The following OR6B1 variants were observed in gnomAD, a reference collection of about 807,000 sequenced individuals.
The protein encoded by OR6B1 is olfactory receptor family 6 subfamily B member 1, also known as olfactory receptor 6B1.
Under a neutral mutation model 15.4 loss-of-function variants are expected in OR6B1, and 15 were observed. The observed-to-expected ratio is 0.97, with a 90% CI of 0.65 to 1.50. The LOEUF is 1.50. Ranked by LOEUF, OR6B1 falls within the 40% of genes most tolerant of loss-of-function variation. OR6B1 has a pLI of 0.00. For missense variants in OR6B1, 384 were observed against 385.0 expected (o/e 1.00, Z 0.02); for synonymous variants, 139 against 144.9 (o/e 0.96, Z 0.29).
At chr7:144,002,735 C>T (rs1206121241) in intron 1 of OR6B1, among the ~76,000 whole-genome samples, 8 of 152,096 alleles carry the variant, frequency 5.3e-5, no homozygotes, top group Non-Finnish European at 1.2e-4. Context: ...TTGTTTCCGA[C>T]TGCTTTTAGA....
chr7:144,002,343 G>C (rs890202918), intron 1 of OR6B1, among the ~76,000 whole-genome samples: 2 of 152,168 alleles, frequency 1.3e-5, no homozygotes, highest in Non-Finnish European at 2.9e-5. Flanking sequence ...ATTATTAGAA[G>C]ATTTTCTGAA....
In OR6B1 at chr7:144,007,281, C is replaced by T. The variant is rs2050630938; in HGVS notation, c.*2349C>T. The T allele has an allele frequency of 6.6e-6, 1 of 152,062 alleles. No individual in the cohort carries two copies. The highest frequency in any genetic ancestry group is 2.1e-4 in the South Asian group (1 of 4,820). 9.4% of individuals were successfully genotyped at this position (152,062 alleles called of 1,614,324 possible). On this transcript the variant is annotated 3_prime_UTR_variant, in exon 2 of 2. Coordinates refer to ENST00000641698, the MANE Select transcript of OR6B1 (RefSeq NM_001005281.3). ...CACAGACCAATGTAGAAATCTGCCT[C>T]AACAGAGAAAATAATGTATAGTGGA...
chr7:144,001,534 T>A (rs569196094), intron 1 of OR6B1, among the ~76,000 whole-genome samples: 1 of 152,344 alleles, frequency 6.6e-6, no homozygotes, highest in South Asian at 2.1e-4. Context: ...GGCAACCTTG[T>A]CCCATCCTAA....
In OR6B1 at chr7:144,004,898, A is replaced by T; in HGVS notation, c.902A>T (p.Lys301Ile). Residue 301 changes from lysine to isoleucine, a missense_variant, in exon 2 of 2, where the codon AAA becomes ATA. By Grantham distance (102) the Lys-to-Ile change is moderately radical. Coordinates refer to ENST00000641698, the MANE Select transcript of OR6B1 (RefSeq NM_001005281.3). The stretch of plus-strand genomic sequence containing the variant: ...CGAGAGGTCAAGGAAGCTCTGAAGA[A>T]ACTGGCATATTGCCAGGCCAGCAGA... ...RNREVKEALK[K>I]LAYCQASRSD 1.2e-6 allele frequency: 2 copies of T among 1,607,994 alleles called. No individual in the cohort carries two copies. The highest frequency in any genetic ancestry group is 1.7e-6 in the Non-Finnish European group (2 of 1,179,434).
chr7:144,004,372 A>G lies in OR6B1; in HGVS notation c.376A>G (p.Ile126Val). 6.2e-7 allele frequency: 1 copy of G among 1,614,220 alleles called. No homozygotes were observed. Residue 126 changes from isoleucine to valine, a missense_variant, in exon 2 of 2, where the codon ATC (isoleucine) becomes GTC (valine). Transcript: ENST00000641698. Reference protein sequence around the residue: ...AAMAYDRYVAICRPLHYPTIM... With the variant: ...AAMAYDRYVAVCRPLHYPTIM... ...CATGGCCTATGACCGGTATGTGGCC[A>G]TCTGTCGCCCACTCCACTACCCAAC... is the stretch of plus-strand genomic sequence containing the variant.
chr7:144,004,423 C>T lies in OR6B1; in HGVS notation c.427C>T (p.Arg143Cys), dbSNP rs7787378. The stretch of plus-strand genomic sequence containing the variant: ...CATAATGAGCCATGGGCTCTGCTTC[C>T]GCCTCGCTCTTGGTTCCTGGGCCAT... ...PTIMSHGLCF[R>C]LALGSWAIGF... The change falls in exon 2 of 2, where the codon CGC becomes TGC. Residue 143 changes from arginine (R) to cysteine (C), a missense_variant. By Grantham distance (180) the Arg-to-Cys change is radical (BLOSUM62 -3). Coordinates refer to ENST00000641698, the MANE Select transcript of OR6B1 (RefSeq NM_001005281.3). The T allele has an allele frequency of 0.11, 177,865 of 1,614,050 alleles. 14,312 individuals are homozygous for T. The highest frequency in any genetic ancestry group is 0.43 in the Admixed American group (25,649 of 59,994).
At position 144,004,751 on chromosome 7, in the gene OR6B1, C is replaced by T. The variant is rs267601372; in HGVS notation, c.755C>T (p.Ala252Val). The change falls in exon 2 of 2, where the codon GCC becomes GTC. Residue 252 changes from alanine to valine, a missense_variant. Transcript: ENST00000641698. ...GTGGTGGTCACCATTTTCTATTCAG[C>T]CATTATTTTCATGTATGCTCGACCT... ...HLVVVTIFYS[A>V]IIFMYARPRV... 1 of 1,614,182 alleles carries T rather than the reference C, an allele frequency of 6.2e-7. No individual in the cohort carries two copies. The highest frequency in any genetic ancestry group is 8.5e-7 in the Non-Finnish European group (1 of 1,180,020).
chr7:144,003,303 A>C (rs891482741), intron 1 of OR6B1, among the ~76,000 whole-genome samples: 6 of 152,378 alleles, frequency 3.9e-5, no homozygotes, highest in Middle Eastern at 3.4e-3. Context: ...CAATGAAATA[A>C]GCTGAATAAA....
At position 144,004,837 on chromosome 7, in the gene OR6B1, CCTT is replaced by C. The variant is rs200068269; in HGVS notation, c.844_846del (p.Ser282del). ...TTCCATCTTCTATGCCATTGTCACTCCTTCTCTCAACCCTTTCATTTATTGCCT... is the reference window on the plus strand; with the variant it reads ...TTCCATCTTCTATGCCATTGTCACTCCTCTCAACCCTTTCATTTATTGCCT... On this transcript the variant is annotated inframe_deletion, in exon 2 of 2. Coordinates refer to ENST00000641698, the MANE Select transcript of OR6B1 (RefSeq NM_001005281.3). The C allele has an allele frequency of 1.2e-4, 190 of 1,613,628 alleles. 3 individuals carry two copies. The East Asian group carries it at 4.2e-3, about 35-fold the overall frequency.
chr7:144,000,620 A>G lies in OR6B1; in HGVS notation c.-56A>G, dbSNP rs977907537. On this transcript the variant is annotated 5_prime_UTR_variant, in exon 1 of 2. Coordinates refer to ENST00000641698, the MANE Select transcript of OR6B1 (RefSeq NM_001005281.3). ...GAATTGGTGAAGGCTTTGTTTTCACATTTCATCCTATCAGAGGCTGCTGTG... is the reference window on the plus strand; with the variant it reads ...GAATTGGTGAAGGCTTTGTTTTCACGTTTCATCCTATCAGAGGCTGCTGTG... The G allele has an allele frequency of 6.6e-5, 10 of 152,566 alleles. 1 individual carries two copies. The highest frequency in any genetic ancestry group is 6.5e-4 in the Admixed American group (10 of 15,282). The allele number at this position is 152,566 out of a possible 1,614,324, so 9.5% of individuals were successfully genotyped here.
At position 144,005,005 on chromosome 7, in the gene OR6B1, C is replaced by A. The variant is rs997943238; in HGVS notation, c.*73C>A. 11 of 1,080,934 alleles carry A rather than the reference C, an allele frequency of 1.0e-5. No homozygotes were observed. In the East Asian group the frequency reaches 2.7e-4, roughly 26 times the overall value. 67.0% of individuals were successfully genotyped at this position (1,080,934 alleles called of 1,614,324 possible). On this transcript the variant is annotated 3_prime_UTR_variant, in exon 2 of 2. Coordinates refer to ENST00000641698, the MANE Select transcript of OR6B1 (RefSeq NM_001005281.3). The stretch of plus-strand genomic sequence containing the variant: ...TCTTCCTCCATCCTTTCTCCTTTAA[C>A]GACTCAGTTAGGACACTGCCCATGT...
At position 144,006,489 on chromosome 7, in the gene OR6B1, A is replaced by G. The variant is rs1465244831; in HGVS notation, c.*1557A>G. ...TTAGGGAATAAATGTGCAAAAGAGA[A>G]CAATGCTTAAAATGGAAAGGATTTA... On this transcript the variant is annotated 3_prime_UTR_variant, in exon 2 of 2. Coordinates refer to ENST00000641698, the MANE Select transcript of OR6B1 (RefSeq NM_001005281.3). 6.6e-6 allele frequency: 1 copy of G among 152,212 alleles called. No homozygotes were observed. The highest frequency in any genetic ancestry group is 2.4e-5 in the African/African-American group (1 of 41,456). 9.4% of individuals were successfully genotyped at this position (152,212 alleles called of 1,614,324 possible).
Position 144,005,921 on chromosome 7 carries a change from T to C in OR6B1, c.*989T>C, listed in dbSNP as rs12703554. The C allele has an allele frequency of 0.23, 35,501 of 152,168 alleles. 4,851 individuals carry two copies. The highest frequency in any genetic ancestry group is 0.33 in the East Asian group (1,702 of 5,174). The allele number at this position is 152,168 out of a possible 1,614,324, so 9.4% of individuals were successfully genotyped here. A position where few individuals can be genotyped will look rare whatever the true frequency, so the allele number is the denominator to read the frequency against. ...GTGCTTTACACCCATAGAAGGTACA[T>C]AGATATGCTTGCTCTTGGTTCATAG... On this transcript the variant is annotated 3_prime_UTR_variant, in exon 2 of 2. Coordinates refer to ENST00000641698, the MANE Select transcript of OR6B1 (RefSeq NM_001005281.3).
chr7:144,004,372 A>T lies in OR6B1; in HGVS notation c.376A>T (p.Ile126Phe), dbSNP rs1406926251. 6.2e-7 allele frequency: 1 copy of T among 1,614,220 alleles called. No individual in the cohort carries two copies. Among genetic ancestry groups the T allele is most frequent in the Admixed American group, 1.7e-5 (1 of 60,028 alleles). Residue 126 changes from isoleucine to phenylalanine, a missense_variant, in exon 2 of 2, where the codon ATC (isoleucine) becomes TTC (phenylalanine). By Grantham distance (21) the Ile-to-Phe change is conservative. Transcript: ENST00000641698. ...AAMAYDRYVA[I>F]CRPLHYPTIM... is the part of the protein sequence containing the mutation. Reference sequence around the variant, plus strand: ...CATGGCCTATGACCGGTATGTGGCCATCTGTCGCCCACTCCACTACCCAAC... The same window carrying T: ...CATGGCCTATGACCGGTATGTGGCCTTCTGTCGCCCACTCCACTACCCAAC...
At chr7:144,000,672 A>G (rs941446158) in intron 1 of OR6B1, 22 bp downstream of exon 1, 3 of 152,650 alleles carry the variant, frequency 2.0e-5, no homozygotes, top group Non-Finnish European at 4.4e-5. Flanking sequence ...CTCTCAGAGC[A>G]TTACTTTCTC....
rs547545781 is a variant in OR6B1 at position 144,005,060 on chromosome 7, C to A, written c.*128C>A. ...ATGACATCACCATGTCTACTTCAATCTCAGGCGCTTGGGTATCTGCATCTG... is the reference window on the plus strand; with the variant it reads ...ATGACATCACCATGTCTACTTCAATATCAGGCGCTTGGGTATCTGCATCTG... On this transcript the variant is annotated 3_prime_UTR_variant, in exon 2 of 2. Coordinates refer to ENST00000641698, the MANE Select transcript of OR6B1 (RefSeq NM_001005281.3). The A allele has an allele frequency of 8.4e-4, 554 of 662,924 alleles. 2 individuals are homozygous for A. Among genetic ancestry groups the A allele is most frequent in the Non-Finnish European group, 1.2e-3 (464 of 393,702 alleles). 41.1% of individuals were successfully genotyped at this position (662,924 alleles called of 1,614,324 possible). A position where few individuals can be genotyped will look rare whatever the true frequency, so the allele number is the denominator to read the frequency against.
chr7:144,003,097 G>A (rs932556917), intron 1 of OR6B1, among the ~76,000 whole-genome samples: 4 of 152,118 alleles, frequency 2.6e-5, no homozygotes, highest in Non-Finnish European at 4.4e-5. Context: ...TCTCAAGAAT[G>A]TCAAATTCCC....
chr7:144,004,832 T>C lies in OR6B1; in HGVS notation c.836T>C (p.Val279Ala). ...ATTATTTCCATCTTCTATGCCATTG[T>C]CACTCCTTCTCTCAACCCTTTCATT... Reference protein sequence around the residue: ...NKIISIFYAIVTPSLNPFIYC... With the variant: ...NKIISIFYAIATPSLNPFIYC... The change falls in exon 2 of 2, where the codon GTC becomes GCC. Residue 279 changes from valine to alanine, a missense_variant. Coordinates refer to ENST00000641698, the MANE Select transcript of OR6B1 (RefSeq NM_001005281.3). The C allele has an allele frequency of 6.2e-7, 1 of 1,613,758 alleles. No homozygotes were observed. Among genetic ancestry groups the C allele is most frequent in the Non-Finnish European group, 8.5e-7 (1 of 1,180,012 alleles).
intron 1 of OR6B1, among the ~76,000 whole-genome samples, chr7:144,002,668 G>A (rs1295980273): frequency 1.3e-5 from 2 of 152,194 alleles, no homozygotes; most frequent in Admixed American, 6.5e-5. Context: ...TGCAACGACA[G>A]AGTTATCTTT....
Sources: gnomAD v4.1 joint callset for allele counts (sites outside exome capture counted in the v4.1 genomes callset) on GRCh38, gnomAD v4.1.1 for gene constraint, MANE v1.5 for transcripts, NCBI Gene and HGNC (gene_info 2026-07-23, HGNC 2026-07-21) for gene names.